The following ZNF765 variants were observed in gnomAD, a reference collection of about 807,000 sequenced individuals.
ZNF765 encodes the protein zinc finger protein 765.
Under a neutral mutation model 44.7 loss-of-function variants are expected in ZNF765, and 37 were observed. That is an observed-to-expected ratio of 0.83 (90% CI 0.64 to 1.09). ZNF765 has a LOEUF of 1.09. Among genes scored for constraint, ZNF765 ranks in the 50% least tolerant of loss-of-function variants. The pLI, the probability that ZNF765 is intolerant of heterozygous loss-of-function variation, is 0.00. For missense variants in ZNF765, 594 were observed against 626.1 expected (o/e 0.95, Z 0.55); for synonymous variants, 201 against 213.7 (o/e 0.94, Z 0.52).
intron 2 of ZNF765, among the ~76,000 whole-genome samples, chr19:53,399,777 C>T (rs1315221939): frequency 6.6e-6 from 1 of 152,014 alleles, no homozygotes; most frequent in South Asian, 2.1e-4. Flanking sequence ...GTTATTTCAT[C>T]ACTCTGGTGT....
chr19:53,402,369 A>G (rs1321729353), intron 3 of ZNF765, among the ~76,000 whole-genome samples, 178 bp downstream of exon 3: 3 of 144,000 alleles, frequency 2.1e-5, no homozygotes, highest in Admixed American at 1.5e-4. Context: ...CCATTCTCCT[A>G]CTTCAGCCTC....
In ZNF765 at chr19:53,410,215, C is replaced by A; in HGVS notation, c.*1088C>A. ...CAAGGTTTTAAATCAAAAAGCAAAGCTTGCACATCATCATAGAATTCATAC... is the reference window on the plus strand; with the variant it reads ...CAAGGTTTTAAATCAAAAAGCAAAGATTGCACATCATCATAGAATTCATAC... On this transcript the variant is annotated 3_prime_UTR_variant, in exon 4 of 4. Coordinates refer to ENST00000396408, the MANE Select transcript of ZNF765 (RefSeq NM_001040185.3). The A allele has an allele frequency of 2.7e-6, 1 of 367,562 alleles. No individual in the cohort carries two copies. The highest frequency in any genetic ancestry group is 5.5e-6 in the Non-Finnish European group (1 of 180,200). 22.8% of individuals were successfully genotyped at this position (367,562 alleles called of 1,614,324 possible).
chr19:53,408,224 C>T lies in ZNF765; in HGVS notation c.669C>T (p.Ala223=). 6.2e-7 allele frequency: 1 copy of T among 1,614,184 alleles called. No individual in the cohort carries two copies. Among genetic ancestry groups the T allele is most frequent in the Non-Finnish European group, 8.5e-7 (1 of 1,180,040 alleles). The part of the protein sequence containing the change: ...KSFQCNDSGK[A]YNCSSLLRKH... ...TCCAATGCAATGACAGTGGCAAAGC[C>T]TATAATTGTAGCTCACTCTTAAGGA... Residue 223 remains alanine (A), a synonymous_variant, in exon 4 of 4, where the codon GCC becomes GCT. Transcript: ENST00000396408.
chr19:53,407,989 A>T lies in ZNF765; in HGVS notation c.434A>T (p.His145Leu), dbSNP rs1361056620. 1.2e-6 allele frequency: 2 copies of T among 1,614,216 alleles called. No individual in the cohort carries two copies. Among genetic ancestry groups the T allele is most frequent in the South Asian group, 2.2e-5 (2 of 91,086 alleles). ...AAATATCAGCTTGGATTCAGCTTTC[A>T]TTCGCATCTGCCTGAACTGCACATA... ...PVKYQLGFSF[H>L]SHLPELHIFH... Residue 145 changes from histidine (H) to leucine (L), a missense_variant, in exon 4 of 4, where the codon CAT becomes CTT. Physicochemically the swap from His to Leu is moderately conservative, Grantham distance 99. This residue lies in a region of ZNF765 where 567 missense variants were observed against 572.6 expected (regional missense o/e 0.99). Transcript: ENST00000396408.
intron 2 of ZNF765, among the ~76,000 whole-genome samples, chr19:53,399,581 T>A (rs1218524193): frequency 2.0e-5 from 3 of 151,812 alleles, no homozygotes; most frequent in East Asian, 3.9e-4. Flanking sequence ...TTCAGGAAGC[T>A]GAGGCAGGAG....
rs142418083 is a variant in ZNF765 at position 53,399,110 on chromosome 19, G to C, written c.15+1080G>C. On this transcript the variant is annotated intron_variant, in intron 2 of 3. Coordinates refer to ENST00000396408, the MANE Select transcript of ZNF765 (RefSeq NM_001040185.3). ...TTTTAAAATTATTATTATACTTTAA[G>C]TTTTAGGGTACATGTGCACAATGTG... 2.5e-4 allele frequency among the ~76,000 whole-genome samples: 38 copies of C among 151,648 alleles called. 1 individual carries two copies. Among genetic ancestry groups the C allele is most frequent in the African/African-American group, 8.2e-4 (34 of 41,300 alleles).
At chr19:53,399,288 C>T (rs1489304163) in intron 2 of ZNF765, among the ~76,000 whole-genome samples, 1 of 139,028 alleles carries the variant, frequency 7.2e-6, no homozygotes, top group African/African-American at 2.7e-5. Context: ...TTAAACATCA[C>T]ATAGTGAATA....
chr19:53,418,621 G>T (rs2085888785), intron 3 of ZNF765, among the ~76,000 whole-genome samples: 1 of 152,098 alleles, frequency 6.6e-6, no homozygotes, highest in South Asian at 2.1e-4. Flanking sequence ...ATATGGCCGG[G>T]CATCGGGGCT....
chr19:53,407,056 G>T (rs550187716), intron 3 of ZNF765, among the ~76,000 whole-genome samples: 9 of 152,014 alleles, frequency 5.9e-5, no homozygotes, highest in African/African-American at 1.9e-4. Context: ...TTGTCACCCA[G>T]GCTGAAGTAC....
chr19:53,402,715 A>T (rs1310203802), intron 3 of ZNF765, among the ~76,000 whole-genome samples: 1 of 151,974 alleles, frequency 6.6e-6, no homozygotes, highest in Non-Finnish European at 1.5e-5. Context: ...GCATGCCACC[A>T]TGTCGGGCAA....
At chr19:53,415,837 C>T (rs999685225), downstream of ZNF765, among the ~76,000 whole-genome samples, 10 of 152,160 alleles carry the variant, frequency 6.6e-5, no homozygotes, top group Admixed American at 2.0e-4. Context: ...AAATTACTCT[C>T]GTGCTCCTGA....
intron 3 of ZNF765, among the ~76,000 whole-genome samples, chr19:53,419,650 C>T (rs1232622332): frequency 6.6e-6 from 1 of 152,194 alleles, no homozygotes; most frequent in Non-Finnish European, 1.5e-5. Flanking sequence ...TTGATTGAAT[C>T]TTTCTACAAT....
intron 1 of ZNF765, among the ~76,000 whole-genome samples, chr19:53,395,695 A>C (rs927556963): frequency 2.0e-5 from 3 of 152,154 alleles, no homozygotes; most frequent in African/African-American, 4.8e-5. Flanking sequence ...GTTCGCCTCC[A>C]CAGTCACTGC....
Position 53,410,918 on chromosome 19 carries a change from A to G in ZNF765, c.*1791A>G, listed in dbSNP as rs2085827896. ...ATCAGAGAATGCATACTGGACAGAA[A>G]TCTTATAAATGTCATCAGTGTGCCA... On this transcript the variant is annotated 3_prime_UTR_variant, in exon 4 of 4. Transcript: ENST00000396408. 2.3e-6 allele frequency: 1 copy of G among 436,606 alleles called. No homozygotes were observed. Among genetic ancestry groups the G allele is most frequent in the Non-Finnish European group, 4.7e-6 (1 of 214,174 alleles). 27.0% of individuals were successfully genotyped at this position (436,606 alleles called of 1,614,324 possible).
intron 3 of ZNF765, among the ~76,000 whole-genome samples, chr19:53,420,783 C>G (rs927696363): frequency 6.6e-6 from 1 of 152,068 alleles, no homozygotes; most frequent in Non-Finnish European, 1.5e-5. Context: ...TAAAAGTCAT[C>G]GCCATTCTCC....
downstream of ZNF765, among the ~76,000 whole-genome samples, chr19:53,414,105 G>A (rs573702742): frequency 2.0e-5 from 3 of 151,586 alleles, no homozygotes; most frequent in African/African-American, 7.3e-5. Flanking sequence ...GCAAGGCATG[G>A]TGGCACATGC....
At chr19:53,403,620 A>G (rs925522599) in intron 3 of ZNF765, among the ~76,000 whole-genome samples, 4 of 152,164 alleles carry the variant, frequency 2.6e-5, no homozygotes. Context: ...GAGGCAGGCA[A>G]ATCACCTGAG....
rs2085823848 is a variant in ZNF765 at position 53,410,524 on chromosome 19, CA to C, written c.*1398del. 4 of 405,768 alleles carry C rather than the reference CA, an allele frequency of 9.9e-6. No individual in the cohort carries two copies. Among genetic ancestry groups the C allele is most frequent in the Non-Finnish European group, 2.0e-5 (4 of 201,846 alleles). 25.1% of individuals were successfully genotyped at this position (405,768 alleles called of 1,614,324 possible). On this transcript the variant is annotated 3_prime_UTR_variant, in exon 4 of 4. Coordinates refer to ENST00000396408, the MANE Select transcript of ZNF765 (RefSeq NM_001040185.3). ...AAGCTTACAAGTATAATGAATGTGACAGGTCTTTAGTGGGCAGTCAACACTT... is the reference window on the plus strand; with the variant it reads ...AAGCTTACAAGTATAATGAATGTGACGGTCTTTAGTGGGCAGTCAACACTT...
chr19:53,413,097 C>T (rs887408814), downstream of ZNF765: 12 of 373,774 alleles, frequency 3.2e-5, no homozygotes, highest in Non-Finnish European at 5.5e-5. Flanking sequence ...GCAACAAGAG[C>T]GAAACTTTGT....
Sources: allele counts gnomAD v4.1 joint callset (sites outside exome capture counted in the v4.1 genomes callset), GRCh38; gene constraint gnomAD v4.1.1; regional missense constraint gnomAD v4.1.1; transcripts MANE v1.5; gene names NCBI Gene and HGNC (gene_info 2026-07-23, HGNC 2026-07-21).